SLC24A3: variants seen among roughly 807,000 people sequenced by gnomAD.
SLC24A3 encodes sodium/potassium/calcium exchanger 3.
In SLC24A3, 28 loss-of-function variants were observed where a neutral mutation model predicts 75.8. That is an observed-to-expected ratio of 0.37 (90% CI 0.27 to 0.51). The LOEUF is 0.51. Ranked by LOEUF, SLC24A3 falls within the 20% of genes least tolerant of loss-of-function variation. The pLI is 0.94. For missense variants in SLC24A3, 663 were observed against 847.8 expected, an observed-to-expected ratio of 0.78 and a Z score of 2.71; for synonymous variants, 372 against 334.1, an observed-to-expected ratio of 1.11 and a Z score of -1.24.
chr20:19,212,783 G>A lies in SLC24A3; in HGVS notation c.-60G>A, dbSNP rs1981437605. 2.0e-6 allele frequency: 2 copies of A among 977,996 alleles called. No individual in the cohort carries two copies. Among genetic ancestry groups the A allele is most frequent in the South Asian group, 4.6e-5 (1 of 21,632 alleles). The allele number at this position is 977,996 out of a possible 1,614,324, so 60.6% of individuals were successfully genotyped here. ...GCTGCCTCCTGCCGCTGTCCCCGCC[G>A]CGGCCGCCCGCGACAGGAGCGGCCG... On this transcript the variant is annotated 5_prime_UTR_variant, in exon 1 of 17. Coordinates refer to ENST00000328041, the MANE Select transcript of SLC24A3 (RefSeq NM_020689.4).
chr20:19,662,844 T>A (rs1043343203), intron 7 of SLC24A3, among the ~76,000 whole-genome samples: 4 of 152,222 alleles, frequency 2.6e-5, no homozygotes, highest in Admixed American at 2.6e-4. Flanking sequence ...AACCTCATCC[T>A]TGCCGTTTGT....
chr20:19,707,553 G>A (rs2122160256), intron 15 of SLC24A3, among the ~76,000 whole-genome samples: 1 of 152,306 alleles, frequency 6.6e-6, no homozygotes, highest in African/African-American at 2.4e-5. Flanking sequence ...AGATTACACT[G>A]GATGCTCTTT....
intron 2 of SLC24A3, among the ~76,000 whole-genome samples, chr20:19,378,997 G>C (rs1029649299): frequency 6.6e-6 from 1 of 151,954 alleles, no homozygotes; most frequent in Non-Finnish European, 1.5e-5. Flanking sequence ...GGAATGTCTT[G>C]TATTATATTG....
intron 6 of SLC24A3, among the ~76,000 whole-genome samples, chr20:19,633,648 C>CAAAAAA (rs61251598): frequency 3.2e-4 from 27 of 85,062 alleles, no homozygotes; most frequent in African/African-American, 1.2e-3. Context: ...GACTCCGTCT[C>CAAAAAA]AAAAAAAAAA....
At chr20:19,702,062 C>A (rs905767602) in intron 15 of SLC24A3, among the ~76,000 whole-genome samples, 1 of 152,118 alleles carries the variant, frequency 6.6e-6, no homozygotes, top group African/African-American at 2.4e-5. Context: ...AGAAGCAAAC[C>A]AGTTTATCTT....
intron 7 of SLC24A3, among the ~76,000 whole-genome samples, chr20:19,659,833 A>G (rs956880091): frequency 2.0e-5 from 3 of 152,186 alleles, no homozygotes; most frequent in Non-Finnish European, 4.4e-5. Flanking sequence ...TCCCCCTGTT[A>G]GAGACGAGGG....
intron 3 of SLC24A3, among the ~76,000 whole-genome samples, chr20:19,536,945 C>T (rs1268352802): frequency 1.3e-5 from 2 of 152,184 alleles, no homozygotes; most frequent in Non-Finnish European, 2.9e-5. Context: ...CTAGGCAATA[C>T]CATTCAGGAC....
intron 6 of SLC24A3, among the ~76,000 whole-genome samples, chr20:19,596,036 T>A (rs1174395143): frequency 6.6e-6 from 1 of 151,750 alleles, no homozygotes; most frequent in Admixed American, 6.6e-5. Flanking sequence ...CTCAGAGAGG[T>A]GGTAGCCAGG....
At chr20:19,455,495 C>G (rs915232136) in intron 2 of SLC24A3, among the ~76,000 whole-genome samples, 1 of 152,144 alleles carries the variant, frequency 6.6e-6, no homozygotes, top group Non-Finnish European at 1.5e-5. Context: ...CTCATGGTAT[C>G]CTTTAACCAT....
At chr20:19,467,583 A>G (rs1406459245) in intron 2 of SLC24A3, among the ~76,000 whole-genome samples, 1 of 152,176 alleles carries the variant, frequency 6.6e-6, no homozygotes, top group Admixed American at 6.5e-5. Flanking sequence ...ACTCAGTTAG[A>G]AAATGAGCCC....
intron 4 of SLC24A3, among the ~76,000 whole-genome samples, chr20:19,581,182 G>C (rs1483867119): frequency 6.6e-6 from 1 of 152,192 alleles, no homozygotes; most frequent in Non-Finnish European, 1.5e-5. Flanking sequence ...ATGCACAGTG[G>C]GCAGGTGTGG....
intron 1 of SLC24A3, among the ~76,000 whole-genome samples, chr20:19,225,420 G>A (rs1981844547): frequency 6.6e-6 from 1 of 152,116 alleles, no homozygotes; most frequent in African/African-American, 2.4e-5. Flanking sequence ...CATGAGAACA[G>A]GTCAATTCCG....
chr20:19,664,493 T>G (rs1438780719), intron 7 of SLC24A3, among the ~76,000 whole-genome samples: 2 of 152,246 alleles, frequency 1.3e-5, no homozygotes, highest in African/African-American at 2.4e-5. Context: ...TCCTTCCTCC[T>G]CATCCTCATT....
chr20:19,680,852 G>T (rs1316401080), intron 9 of SLC24A3, among the ~76,000 whole-genome samples: 1 of 152,208 alleles, frequency 6.6e-6, no homozygotes, highest in African/African-American at 2.4e-5. Flanking sequence ...AAAGAGATGA[G>T]GAAAGGGAAG....
chr20:19,569,951 T>C (rs2031026130), intron 3 of SLC24A3, among the ~76,000 whole-genome samples: 1 of 152,224 alleles, frequency 6.6e-6, no homozygotes, highest in Non-Finnish European at 1.5e-5. Flanking sequence ...CCTTTTGAGT[T>C]GGCTTCTGCT....
intron 3 of SLC24A3, among the ~76,000 whole-genome samples, chr20:19,558,916 G>C (rs1407021136): frequency 6.6e-6 from 1 of 152,096 alleles, no homozygotes; most frequent in Non-Finnish European, 1.5e-5. Flanking sequence ...TCCTGGTTTG[G>C]GGGTATTATG....
chr20:19,528,611 G>A (rs2122572829), intron 3 of SLC24A3, among the ~76,000 whole-genome samples: 1 of 152,260 alleles, frequency 6.6e-6, no homozygotes, highest in Admixed American at 6.5e-5. Context: ...AAGATACCCT[G>A]CTGCTTGCCC....
intron 6 of SLC24A3, among the ~76,000 whole-genome samples, chr20:19,651,848 G>C (rs560799557): frequency 3.1e-3 from 411 of 131,958 alleles, no homozygotes; most frequent in Non-Finnish European, 4.5e-3. Flanking sequence ...GTGACAGAGA[G>C]AGACTCCATC....
chr20:19,627,855 G>A (rs935847422), intron 6 of SLC24A3, among the ~76,000 whole-genome samples: 1 of 152,038 alleles, frequency 6.6e-6, no homozygotes, highest in Admixed American at 6.6e-5. Context: ...GCACAGGTAG[G>A]AGCAAATTTG....
Sources: allele counts gnomAD v4.1 joint callset (sites outside exome capture counted in the v4.1 genomes callset), GRCh38; gene constraint gnomAD v4.1.1; transcripts MANE v1.5; gene names NCBI Gene and HGNC (gene_info 2026-07-23, HGNC 2026-07-21).